Variants in MUC13 observed in about 807,000 individuals in gnomAD.
MUC13 encodes mucin 13, cell surface associated, also known as mucin-13.
In MUC13, 32 loss-of-function variants were observed where a neutral mutation model predicts 48.3. The ratio of observed to expected loss-of-function variants is 0.66; its 90% CI spans 0.50 to 0.89. The LOEUF (loss-of-function observed/expected upper bound fraction) is 0.89, where lower values mean the gene tolerates loss of function less well. Ranked by LOEUF, MUC13 falls within the 40% of genes least tolerant of loss-of-function variation. The pLI, the probability that MUC13 is intolerant of heterozygous loss-of-function variation, is 0.00. For missense variants in MUC13, 571 were observed against 622.8 expected (o/e 0.92, Z 0.88); for synonymous variants, 199 against 224.9 (o/e 0.88, Z 1.03).
chr3:124,929,079 A>G (rs1333839475), intron 1 of MUC13, among the ~76,000 whole-genome samples: 1 of 152,188 alleles, frequency 6.6e-6, no homozygotes, highest in African/African-American at 2.4e-5. Context: ...TATGATGGAT[A>G]TCAAAGTCGC....
intron 1 of MUC13, among the ~76,000 whole-genome samples, chr3:124,933,527 T>C (rs1935831313): frequency 6.6e-6 from 1 of 152,190 alleles, no homozygotes; most frequent in African/African-American, 2.4e-5. Flanking sequence ...CAAGGATCTT[T>C]AAATTCCAAG....
At chr3:124,930,077 C>T (rs1045834348) in intron 1 of MUC13, among the ~76,000 whole-genome samples, 1 of 152,228 alleles carries the variant, frequency 6.6e-6, no homozygotes, top group Non-Finnish European at 1.5e-5. Context: ...CCAACCCCAC[C>T]AGACCCTGAA....
chr3:124,928,914 A>C (rs754019976), intron 1 of MUC13, among the ~76,000 whole-genome samples: 1 of 152,182 alleles, frequency 6.6e-6, no homozygotes, highest in East Asian at 1.9e-4. Flanking sequence ...GGGAAAGGTT[A>C]GGGTTGGGTA....
intron 5 of MUC13, 195 bp downstream of exon 5, chr3:124,920,039 G>T: frequency 1.6e-6 from 1 of 634,636 alleles, no homozygotes; most frequent in Non-Finnish European, 2.8e-6. Flanking sequence ...GCCATGCCCT[G>T]CCCAGAGTTG....
chr3:124,916,075 G>T lies in MUC13; in HGVS notation c.964+242C>A, dbSNP rs1935506581. ...TTCCCTGCCCAGCAGTGGTTTGTCT[G>T]GTCATTTATACCTTCGTAGAGAGGA... On this transcript the variant is annotated intron_variant, in intron 6 of 11. Coordinates refer to ENST00000616727, the MANE Select transcript of MUC13 (RefSeq NM_033049.4). Among the ~76,000 whole-genome samples, 3 of 152,132 alleles carry T rather than the reference G, an allele frequency of 2.0e-5. No homozygotes were observed. The South Asian group carries it at 6.2e-4, about 32-fold the overall frequency.
rs149709812 is a variant in MUC13, at chr3:124,916,415, G to T, written c.866C>A (p.Thr289Lys). 2.1e-5 allele frequency: 34 copies of T among 1,613,534 alleles called. No individual in the cohort carries two copies. The highest frequency in any genetic ancestry group is 5.9e-6 in the Non-Finnish European group (7 of 1,179,836). ...GTCACTTGTGGTTTCTGCCAAAATT[G>T]TTACTATTGTTACATTAACAAACTT... Reference protein sequence around the residue: ...DDKFVNVTIVTILAETTSDNE... With the variant: ...DDKFVNVTIVKILAETTSDNE... Residue 289 changes from threonine to lysine, a missense_variant, in exon 6 of 12, where the codon ACA becomes AAA. Physicochemically the swap from Thr to Lys is moderately conservative, Grantham distance 78. Coordinates refer to ENST00000616727, the MANE Select transcript of MUC13 (RefSeq NM_033049.4).
chr3:124,921,532 C>A (rs1935594248), intron 4 of MUC13, among the ~76,000 whole-genome samples: 1 of 152,130 alleles, frequency 6.6e-6, no homozygotes, highest in African/African-American at 2.4e-5. Context: ...GCTGGACATG[C>A]TCTGAGGGTC....
chr3:124,919,426 G>A (rs1315792460), intron 5 of MUC13, among the ~76,000 whole-genome samples: 1 of 118,224 alleles, frequency 8.5e-6, no homozygotes, highest in Non-Finnish European at 2.0e-5. Flanking sequence ...CTGGCCTCAA[G>A]TGATCCTCCC....
intron 3 of MUC13, 105 bp from the exon 4 acceptor site, chr3:124,922,408 C>A: frequency 7.4e-7 from 1 of 1,345,524 alleles, no homozygotes; most frequent in Non-Finnish European, 9.9e-7. Context: ...CATTATATAA[C>A]GACACTACAG....
chr3:124,913,856 C>T (rs562813055), intron 6 of MUC13, among the ~76,000 whole-genome samples, 175 bp from the exon 7 acceptor site: 1 of 152,204 alleles, frequency 6.6e-6, no homozygotes, highest in Non-Finnish European at 1.5e-5. Context: ...GCAGGAGTAT[C>T]GTTTGAGCCT....
intron 3 of MUC13, among the ~76,000 whole-genome samples, chr3:124,922,967 A>G (rs2107671778): frequency 6.6e-6 from 1 of 152,150 alleles, no homozygotes; most frequent in African/African-American, 2.4e-5. Context: ...CCCAGGAGTG[A>G]GATTATTAGT....
chr3:124,931,520 G>A (rs533932386), intron 1 of MUC13, among the ~76,000 whole-genome samples: 7 of 151,784 alleles, frequency 4.6e-5, no homozygotes, highest in Non-Finnish European at 1.5e-5. Flanking sequence ...GGCCGAGGCG[G>A]GCAGATCACC....
chr3:124,922,122 G>A (rs1935606469), intron 4 of MUC13, 75 bp downstream of exon 4: 1 of 1,537,050 alleles, frequency 6.5e-7, no homozygotes, highest in African/African-American at 1.4e-5. Context: ...ACCACCTGAA[G>A]ACCAGCTCTA....
chr3:124,933,601 T>G (rs1223934979), intron 1 of MUC13, among the ~76,000 whole-genome samples: 1 of 152,202 alleles, frequency 6.6e-6, no homozygotes, highest in Non-Finnish European at 1.5e-5. Context: ...AATCATTTAT[T>G]GCCCCTCAAC....
At chr3:124,923,686 A>T (rs1485630323) in intron 2 of MUC13, 37 bp from the exon 3 acceptor site, 1 of 1,599,736 alleles carries the variant, frequency 6.3e-7, no homozygotes, top group Admixed American at 1.8e-5. Context: ...AATCCAGAGA[A>T]ATGACAATAA....
intron 4 of MUC13, among the ~76,000 whole-genome samples, chr3:124,920,686 G>A (rs547452314): frequency 1.3e-5 from 2 of 152,304 alleles, no homozygotes; most frequent in South Asian, 4.1e-4. Flanking sequence ...CCTGTAACTG[G>A]AGGGGGCTTT....
At chr3:124,927,399 C>T in intron 2 of MUC13, 133 bp downstream of exon 2, 1 of 781,534 alleles carries the variant, frequency 1.3e-6, no homozygotes, top group Non-Finnish European at 2.1e-6. Context: ...AGATTTCAAG[C>T]CCACAGTTCA....
chr3:124,934,096 T>C (rs1046406090), intron 1 of MUC13, among the ~76,000 whole-genome samples: 4 of 152,184 alleles, frequency 2.6e-5, no homozygotes, highest in African/African-American at 7.2e-5. Context: ...ACTTAGTCCT[T>C]CTTATCTGGC....
intron 1 of MUC13, among the ~76,000 whole-genome samples, chr3:124,929,398 G>A (rs942867975): frequency 1.4e-5 from 2 of 142,522 alleles, no homozygotes; most frequent in African/African-American, 2.6e-5. Flanking sequence ...CTTGACAATA[G>A]GTTAAAAAAA....
Sources: gnomAD v4.1 joint callset for allele counts (sites outside exome capture counted in the v4.1 genomes callset) on GRCh38, gnomAD v4.1.1 for gene constraint, MANE v1.5 for transcripts, NCBI Gene and HGNC (gene_info 2026-07-23, HGNC 2026-07-21) for gene names.